Variants in SEMA5A observed in about 807,000 individuals in gnomAD.
The protein encoded by SEMA5A is semaphorin 5A, also known as semaphorin-5A.
Under a neutral mutation model 135.5 loss-of-function variants are expected in SEMA5A, and 55 were observed. The ratio of observed to expected loss-of-function variants is 0.41; its 90% CI spans 0.33 to 0.51. SEMA5A has a LOEUF of 0.51. Ranked by LOEUF, SEMA5A falls within the 20% of genes least tolerant of loss-of-function variation. SEMA5A has a pLI of 0.37. For missense variants in SEMA5A, 1,290 were observed against 1,419.9 expected, an observed-to-expected ratio of 0.91 and a Z score of 1.47; for synonymous variants, 580 against 546.5, an observed-to-expected ratio of 1.06 and a Z score of -0.85.
Position 9,190,393 on chromosome 5 carries a change from G to A in SEMA5A, c.1147C>T (p.His383Tyr). 1.2e-6 allele frequency: 2 copies of A among 1,613,992 alleles called. No individual in the cohort carries two copies. Among genetic ancestry groups the A allele is most frequent in the South Asian group, 2.2e-5 (2 of 91,068 alleles). Reference protein sequence around the residue: ...LQDAQKFILMHEVVQPVTTVP... With the variant: ...LQDAQKFILMYEVVQPVTTVP... ...GTGGTCACTGGCTGTACCACCTCAT[G>A]CATCAGAATGAACTTCTGAGCATCC... Residue 383 changes from histidine to tyrosine, a missense_variant, in exon 11 of 23, where the codon CAT becomes TAT. By Grantham distance (83) the His-to-Tyr change is moderately conservative. Around this residue, in one of 3 missense-constraint regions of SEMA5A, gnomAD observed 1,029 missense variants for 1,086.6 expected, o/e 0.95. Transcript: ENST00000382496.
intron 1 of SEMA5A, among the ~76,000 whole-genome samples, chr5:9,543,429 G>A (rs935871764): frequency 6.6e-6 from 1 of 152,160 alleles, no homozygotes; most frequent in Non-Finnish European, 1.5e-5. Flanking sequence ...AGTGAAGAAC[G>A]CAGGTTTATT....
intron 1 of SEMA5A, among the ~76,000 whole-genome samples, chr5:9,528,513 C>T (rs1737261753): frequency 6.6e-6 from 1 of 152,168 alleles, no homozygotes; most frequent in African/African-American, 2.4e-5. Context: ...AATCTGAGCC[C>T]TAGGACTGCT....
intron 8 of SEMA5A, among the ~76,000 whole-genome samples, chr5:9,219,724 G>A (rs918256355): frequency 5.3e-5 from 8 of 152,154 alleles, no homozygotes; most frequent in African/African-American, 1.9e-4. Flanking sequence ...GCAAATAAAT[G>A]TCTGCTGTTT....
rs187788600 is a variant in SEMA5A at position 9,492,468 on chromosome 5, T to C, written c.-175+53116A>G. ...AAATAGACCCCATTAGTTATCTGAA[T>C]GGAGGAAACCAGGCTCTATGCATGC... On this transcript the variant is annotated intron_variant, in intron 1 of 22. Transcript: ENST00000382496. 2.0e-5 allele frequency among the ~76,000 whole-genome samples: 3 copies of C among 152,268 alleles called. No homozygotes were observed. The East Asian group carries it at 5.8e-4, about 29-fold the overall frequency.
intron 11 of SEMA5A, among the ~76,000 whole-genome samples, chr5:9,156,001 A>G (rs886507): frequency 0.094 from 14,340 of 152,230 alleles, 1,364 homozygotes; most frequent in East Asian, 0.46. Context: ...ACTTTTTAAA[A>G]AGGTCAATCA....
chr5:9,349,658 G>C (rs1754027106), intron 3 of SEMA5A, among the ~76,000 whole-genome samples: 1 of 152,124 alleles, frequency 6.6e-6, no homozygotes, highest in South Asian at 2.1e-4. Context: ...CCAGCATTTT[G>C]GGAGGCTGAG....
intron 8 of SEMA5A, 129 bp from the exon 9 acceptor site, chr5:9,202,369 T>TTTGTAATGATAC: frequency 1.1e-6 from 1 of 879,058 alleles, no homozygotes; most frequent in Non-Finnish European, 1.7e-6. Flanking sequence ...ATAGGACTAT[T>TTTGTAATGATAC]GGGAGGCCCC....
chr5:9,495,970 C>T (rs1177558107), intron 1 of SEMA5A, among the ~76,000 whole-genome samples: 4 of 152,134 alleles, frequency 2.6e-5, no homozygotes, highest in African/African-American at 9.7e-5. Context: ...TTCATGAGGA[C>T]CCAGATTTTT....
intron 3 of SEMA5A, among the ~76,000 whole-genome samples, chr5:9,348,057 T>A (rs1291541266): frequency 6.6e-6 from 1 of 152,220 alleles, no homozygotes; most frequent in Non-Finnish European, 1.5e-5. Flanking sequence ...GGTGAGGGTC[T>A]GGCTACTCCA....
rs1188151419 is a variant in SEMA5A, at chr5:9,262,231, A to G, written c.271-24341T>C. ...ACACCAGTTAGAATGGCAATCATTAAAAAGTCAGGAAACAACAGGTGCTGG... is the reference window on the plus strand; with the variant it reads ...ACACCAGTTAGAATGGCAATCATTAGAAAGTCAGGAAACAACAGGTGCTGG... On this transcript the variant is annotated intron_variant, in intron 5 of 22. Coordinates refer to ENST00000382496, the MANE Select transcript of SEMA5A (RefSeq NM_003966.3). Among the ~76,000 whole-genome samples the G allele has an allele frequency of 7.2e-3, 723 of 101,072 alleles. 8 individuals carry two copies. The highest frequency in any genetic ancestry group is 0.06 in the South Asian group (122 of 2,026). The allele number at this position is 101,072 out of a possible 152,430, so 66.3% of individuals were successfully genotyped here. A position where few individuals can be genotyped will look rare whatever the true frequency, so the allele number is the denominator to read the frequency against.
chr5:9,258,909 GGTTCAAGC>G (rs1749244501), intron 5 of SEMA5A, among the ~76,000 whole-genome samples: 2 of 137,332 alleles, frequency 1.5e-5, no homozygotes, highest in Non-Finnish European at 3.0e-5. Context: ...CTGCCTCCTG[GGTTCAAGC>G]GTTCAAGCAA....
chr5:9,247,983 C>T (rs1225729925), intron 5 of SEMA5A, among the ~76,000 whole-genome samples: 1 of 152,148 alleles, frequency 6.6e-6, no homozygotes, highest in Non-Finnish European at 1.5e-5. Flanking sequence ...TGAATATCTG[C>T]TTAAACGTAT....
chr5:9,367,836 A>C (rs1007790384), intron 3 of SEMA5A, among the ~76,000 whole-genome samples: 1 of 152,202 alleles, frequency 6.6e-6, no homozygotes, highest in Non-Finnish European at 1.5e-5. Context: ...TCTTTGCCGA[A>C]ATGAGTTCAT....
intron 2 of SEMA5A, among the ~76,000 whole-genome samples, chr5:9,418,014 T>C (rs1757339347): frequency 6.6e-6 from 1 of 150,896 alleles, no homozygotes; most frequent in Non-Finnish European, 1.5e-5. Flanking sequence ...TCTCGCTCTG[T>C]CGCCCAGGCT....
intron 13 of SEMA5A, among the ~76,000 whole-genome samples, chr5:9,128,095 T>A (rs190865068): frequency 5.3e-5 from 8 of 152,282 alleles, no homozygotes; most frequent in Admixed American, 5.2e-4. Context: ...AAGAAAGTAC[T>A]TTGAAAAAAA....
At chr5:9,070,088 C>T (rs770824371) in intron 16 of SEMA5A, among the ~76,000 whole-genome samples, 4 of 152,090 alleles carry the variant, frequency 2.6e-5, no homozygotes, top group Admixed American at 6.6e-5. Flanking sequence ...ACATGCAGCT[C>T]GGCCATGCGT....
At chr5:9,348,039 C>T (rs751647776) in intron 3 of SEMA5A, among the ~76,000 whole-genome samples, 1 of 152,114 alleles carries the variant, frequency 6.6e-6, no homozygotes, top group Non-Finnish European at 1.5e-5. Flanking sequence ...ATCTAAATGC[C>T]AGTGTTAGGT....
chr5:9,446,107 C>G (rs993078538), intron 1 of SEMA5A, among the ~76,000 whole-genome samples: 13 of 152,176 alleles, frequency 8.5e-5, no homozygotes, highest in Admixed American at 7.9e-4. Flanking sequence ...TTGACTAATC[C>G]TAACAACAGT....
At chr5:9,442,941 A>G (rs1758292818) in intron 1 of SEMA5A, among the ~76,000 whole-genome samples, 2 of 152,198 alleles carry the variant, frequency 1.3e-5, no homozygotes, top group African/African-American at 4.8e-5. Context: ...TGAGTAAAGG[A>G]CACTATTTTT....
Sources: allele counts gnomAD v4.1 joint callset (sites outside exome capture counted in the v4.1 genomes callset), GRCh38; gene constraint gnomAD v4.1.1; regional missense constraint gnomAD v4.1.1; transcripts MANE v1.5; gene names NCBI Gene and HGNC (gene_info 2026-07-23, HGNC 2026-07-21).